SIAH3: variants seen among roughly 807,000 people sequenced by gnomAD.
SIAH3 encodes siah E3 ubiquitin protein ligase family member 3.
Under a neutral mutation model 12.6 loss-of-function variants are expected in SIAH3, and 9 were observed. The ratio of observed to expected loss-of-function variants is 0.72; its 90% CI spans 0.43 to 1.25. The LOEUF (loss-of-function observed/expected upper bound fraction) is 1.25, where lower values mean the gene tolerates loss of function less well. Among genes scored for constraint, SIAH3 ranks in the 50% most tolerant of loss-of-function variants. The probability of loss-of-function intolerance (pLI) is 0.00; values close to 1 mark genes in which losing one functional copy is unlikely to be tolerated. For synonymous variants in SIAH3, 154 were observed against 151.1 expected (o/e 1.02, Z -0.14); for missense variants, 390 against 365.4 (o/e 1.07, Z -0.55).
intron 1 of SIAH3, among the ~76,000 whole-genome samples, chr13:45,818,557 G>T (rs1950643407): frequency 6.6e-6 from 1 of 152,214 alleles, no homozygotes; most frequent in South Asian, 2.1e-4. Context: ...GGCTCTAGAG[G>T]AGAATCATTC....
In SIAH3 at chr13:45,820,470, G is replaced by A. The variant is rs371452206; in HGVS notation, c.135+31025C>T. Among the ~76,000 whole-genome samples, 127 of 152,240 alleles carry A rather than the reference G, an allele frequency of 8.3e-4. 2 individuals carry two copies. In the East Asian group the frequency reaches 0.012, roughly 15 times the overall value. ...ATTGTGACTGGAACCTGGTCTTCCCGACTGTTTAAGGCCTATGTTTGTAAA... is the reference window on the plus strand; with the variant it reads ...ATTGTGACTGGAACCTGGTCTTCCCAACTGTTTAAGGCCTATGTTTGTAAA... On this transcript the variant is annotated intron_variant, in intron 1 of 1. Coordinates refer to ENST00000400405, the MANE Select transcript of SIAH3 (RefSeq NM_198849.3).
At chr13:45,825,348 T>G (rs1950670226) in intron 1 of SIAH3, among the ~76,000 whole-genome samples, 1 of 152,118 alleles carries the variant, frequency 6.6e-6, no homozygotes, top group African/African-American at 2.4e-5. Context: ...GTAACAAAAT[T>G]AGAGCTTTTA....
At chr13:45,803,438 G>T (rs945268499) in intron 1 of SIAH3, among the ~76,000 whole-genome samples, 2 of 152,190 alleles carry the variant, frequency 1.3e-5, no homozygotes, top group African/African-American at 2.4e-5. Context: ...TGCTATGATA[G>T]AAATAAGCCC....
At chr13:45,784,399 T>TG (rs1491480900) in intron 1 of SIAH3, among the ~76,000 whole-genome samples, 5 of 31,626 alleles carry the variant, frequency 1.6e-4, no homozygotes, top group African/African-American at 7.8e-4. Flanking sequence ...AAGACAGCTG[T>TG]TTTTTTTTTT....
chr13:45,841,083 G>A (rs115976906), intron 1 of SIAH3, among the ~76,000 whole-genome samples: 153 of 152,202 alleles, frequency 1.0e-3, no homozygotes, highest in African/African-American at 3.5e-3. Flanking sequence ...CTATTATCAG[G>A]GTTTCAGGAT....
intron 1 of SIAH3, among the ~76,000 whole-genome samples, chr13:45,818,720 T>C (rs1487328178): frequency 1.3e-5 from 2 of 152,226 alleles, no homozygotes; most frequent in Non-Finnish European, 2.9e-5. Context: ...GTAAGAGCGA[T>C]TGTGATGGCA....
intron 1 of SIAH3, among the ~76,000 whole-genome samples, chr13:45,798,012 G>T (rs568862241): frequency 1.4e-4 from 22 of 152,262 alleles, no homozygotes; most frequent in African/African-American, 4.8e-4. Flanking sequence ...TGGTAACATA[G>T]GACTTCACTG....
At chr13:45,839,570 C>T (rs138761164) in intron 1 of SIAH3, among the ~76,000 whole-genome samples, 6,544 of 152,314 alleles carry the variant, frequency 0.043, 446 homozygotes, top group African/African-American at 0.14. Flanking sequence ...CGGTGGCTCA[C>T]GCCTGTAATC....
intron 1 of SIAH3, among the ~76,000 whole-genome samples, chr13:45,850,688 C>T (rs1950777451): frequency 6.6e-6 from 1 of 152,052 alleles, no homozygotes; most frequent in Non-Finnish European, 1.5e-5. Context: ...TGCCGGACCC[C>T]ATATTTTGTC....
At chr13:45,848,402 T>A (rs913678302) in intron 1 of SIAH3, among the ~76,000 whole-genome samples, 6 of 152,160 alleles carry the variant, frequency 3.9e-5, no homozygotes, top group African/African-American at 1.2e-4. Flanking sequence ...ATGTCCCTTT[T>A]AATTAGGGTG....
At chr13:45,838,325 G>C (rs557660970) in intron 1 of SIAH3, among the ~76,000 whole-genome samples, 2 of 152,154 alleles carry the variant, frequency 1.3e-5, no homozygotes, top group Admixed American at 6.5e-5. Context: ...ATTTCTCTCC[G>C]ATTCTTGGAG....
At chr13:45,815,692 A>C (rs1950632108) in intron 1 of SIAH3, among the ~76,000 whole-genome samples, 1 of 152,206 alleles carries the variant, frequency 6.6e-6, no homozygotes, top group African/African-American at 2.4e-5. Flanking sequence ...CATGCTTCCC[A>C]GATCTTCCTG....
At chr13:45,837,564 GGA>G in intron 1 of SIAH3, among the ~76,000 whole-genome samples, 1 of 61,108 alleles carries the variant, frequency 1.6e-5, no homozygotes, top group South Asian at 6.5e-4. Flanking sequence ...AAGGAGGGAA[GGA>G]AGGAATGAAG....
chr13:45,784,402 T>TTG (rs1352210419), intron 1 of SIAH3, among the ~76,000 whole-genome samples: 1 of 129,244 alleles, frequency 7.7e-6, no homozygotes, highest in East Asian at 2.0e-4. Context: ...ACAGCTGTTT[T>TTG]TTTTTTTTTT....
intron 1 of SIAH3, among the ~76,000 whole-genome samples, chr13:45,806,996 A>G (rs1950600546): frequency 6.6e-6 from 1 of 152,234 alleles, no homozygotes; most frequent in African/African-American, 2.4e-5. Flanking sequence ...AAAAATCATA[A>G]AATTTGAAGA....
chr13:45,827,861 T>C (rs1460325360), intron 1 of SIAH3, among the ~76,000 whole-genome samples: 1 of 152,254 alleles, frequency 6.6e-6, no homozygotes, highest in Non-Finnish European at 1.5e-5. Flanking sequence ...TTCTCTCTGC[T>C]TCCATAATTG....
At chr13:45,842,785 G>A (rs988301246) in intron 1 of SIAH3, among the ~76,000 whole-genome samples, 2 of 152,154 alleles carry the variant, frequency 1.3e-5, no homozygotes, top group African/African-American at 4.8e-5. Context: ...CATACCTTAA[G>A]TCCTCAACTA....
intron 1 of SIAH3, among the ~76,000 whole-genome samples, chr13:45,840,798 G>A (rs965526216): frequency 2.6e-5 from 4 of 152,302 alleles, no homozygotes; most frequent in African/African-American, 9.6e-5. Flanking sequence ...TGTTTGTTGT[G>A]AAAAGTAACT....
At chr13:45,800,047 T>C (rs1328386762) in intron 1 of SIAH3, among the ~76,000 whole-genome samples, 2 of 152,180 alleles carry the variant, frequency 1.3e-5, no homozygotes, top group African/African-American at 4.8e-5. Flanking sequence ...TTTTTTCTGA[T>C]TAGGAGATCA....
Sources: gnomAD v4.1 joint callset for allele counts (sites outside exome capture counted in the v4.1 genomes callset) on GRCh38, gnomAD v4.1.1 for gene constraint, MANE v1.5 for transcripts, NCBI Gene and HGNC (gene_info 2026-07-23, HGNC 2026-07-21) for gene names.